Variants in TCERG1L observed in about 807,000 individuals in gnomAD.
The protein encoded by TCERG1L is transcription elongation regulator 1-like protein.
A neutral mutation model predicts 56.3 loss-of-function variants in TCERG1L; 37 were observed. That is an observed-to-expected ratio of 0.66 (90% CI 0.51 to 0.87). The LOEUF is 0.87. Ranked by LOEUF, TCERG1L falls within the 40% of genes least tolerant of loss-of-function variation. TCERG1L has a pLI of 0.00. For missense variants in TCERG1L, 799 were observed against 774.2 expected, an observed-to-expected ratio of 1.03 and a Z score of -0.38; for synonymous variants, 324 against 326.3, an observed-to-expected ratio of 0.99 and a Z score of 0.08.
intron 8 of TCERG1L, among the ~76,000 whole-genome samples, chr10:131,127,385 C>A (rs557393596): frequency 6.6e-6 from 1 of 152,344 alleles, no homozygotes; most frequent in East Asian, 1.9e-4. Flanking sequence ...GCAGCATTCC[C>A]AGGCCAGGAG....
chr10:131,109,352 G>A (rs545427638), intron 9 of TCERG1L, among the ~76,000 whole-genome samples: 1 of 152,250 alleles, frequency 6.6e-6, no homozygotes, highest in East Asian at 1.9e-4. Flanking sequence ...CCTGGTGCCC[G>A]TCTCAGCACG....
chr10:131,174,944 A>T (rs1476459602), intron 4 of TCERG1L, among the ~76,000 whole-genome samples: 3 of 92,466 alleles, frequency 3.2e-5, no homozygotes, highest in Admixed American at 1.0e-4. Flanking sequence ...TCAACCCTGC[A>T]GCCTGAACCC....
chr10:131,220,567 G>T (rs967039435), intron 4 of TCERG1L, among the ~76,000 whole-genome samples: 1 of 151,832 alleles, frequency 6.6e-6, no homozygotes, highest in Non-Finnish European at 1.5e-5. Context: ...TTCAGAGAGG[G>T]AGGGAGGAAG....
intron 4 of TCERG1L, among the ~76,000 whole-genome samples, chr10:131,197,037 T>C (rs10765051): frequency 0.38 from 57,770 of 151,864 alleles, 11,164 homozygotes; most frequent in East Asian, 0.49. Context: ...GGGGAGTCCA[T>C]GCCCCCCTCA....
intron 10 of TCERG1L, among the ~76,000 whole-genome samples, chr10:131,101,174 T>C (rs1325547227): frequency 2.0e-5 from 3 of 152,250 alleles, no homozygotes; most frequent in Non-Finnish European, 4.4e-5. Context: ...TCTCTGACGA[T>C]GGCCTGAGGA....
chr10:131,278,648 C>T (rs942495449), intron 3 of TCERG1L, among the ~76,000 whole-genome samples: 4 of 152,262 alleles, frequency 2.6e-5, no homozygotes, highest in South Asian at 2.1e-4. Flanking sequence ...CAGCCCACAT[C>T]GTCTTTTCAA....
At position 131,311,223 on chromosome 10, in the gene TCERG1L, G is replaced by C. The variant is rs1018004448; in HGVS notation, c.342+71C>G. On this transcript the variant is annotated intron_variant, in intron 1 of 11. Transcript: ENST00000368642. This position sits in a 1 kb window ranked among gnomAD's most constrained non-coding sequence, Gnocchi z 4.0. ...GGCGCGCGAGCCGGAGGCCAGAGCC[G>C]GGCCGGGCAGGGCGCGCCCAGGAGC... The C allele has an allele frequency of 1.7e-6, 2 of 1,150,518 alleles. No homozygotes were observed. The highest frequency in any genetic ancestry group is 1.6e-5 in the African/African-American group (1 of 61,802). The allele number at this position is 1,150,518 out of a possible 1,614,324, so 71.3% of individuals were successfully genotyped here.
intron 6 of TCERG1L, among the ~76,000 whole-genome samples, chr10:131,148,471 T>TAC (rs34738225): frequency 0.21 from 29,813 of 142,646 alleles, 3,267 homozygotes; most frequent in South Asian, 0.35. Context: ...CACAGACACA[T>TAC]ACACAGACAC....
At chr10:131,274,126 T>C (rs1846369499) in intron 3 of TCERG1L, among the ~76,000 whole-genome samples, 1 of 152,172 alleles carries the variant, frequency 6.6e-6, no homozygotes, top group Non-Finnish European at 1.5e-5. Context: ...TGCTCTGCTG[T>C]CTTGCACACA....
chr10:131,209,913 A>G (rs1407292849), intron 4 of TCERG1L, among the ~76,000 whole-genome samples: 2 of 152,230 alleles, frequency 1.3e-5, no homozygotes, highest in Non-Finnish European at 2.9e-5. Flanking sequence ...CACCCAAAAT[A>G]GCAAGGTTAC....
chr10:131,153,994 C>T (rs1845893568), intron 6 of TCERG1L, among the ~76,000 whole-genome samples: 1 of 152,132 alleles, frequency 6.6e-6, no homozygotes, highest in Non-Finnish European at 1.5e-5. Flanking sequence ...CCCATCCACT[C>T]GTTACGGTTG....
At chr10:131,223,421 G>C (rs2133500635) in intron 4 of TCERG1L, among the ~76,000 whole-genome samples, 1 of 152,336 alleles carries the variant, frequency 6.6e-6, no homozygotes, top group Non-Finnish European at 1.5e-5. Flanking sequence ...TTTTGCTCCA[G>C]AGAGAGCTAG....
At chr10:131,269,872 G>A (rs779266441) in intron 3 of TCERG1L, among the ~76,000 whole-genome samples, 1 of 152,098 alleles carries the variant, frequency 6.6e-6, no homozygotes, top group Non-Finnish European at 1.5e-5. Context: ...AGAAAGGGAC[G>A]CACAATAAAG....
At chr10:131,141,415 C>T (rs1025386886) in intron 7 of TCERG1L, among the ~76,000 whole-genome samples, 1 of 151,858 alleles carries the variant, frequency 6.6e-6, no homozygotes, top group African/African-American at 2.4e-5. Context: ...CTGGCTGCTG[C>T]GCGGGGTCAC....
rs186475819 is a variant in TCERG1L at position 131,198,333 on chromosome 10, G to A, written c.857-31448C>T. ...CCCAGACTGGCTTCTGGCTCTTCAC[G>A]CTTCAAACCAGGTCCCCTGGTGACC... On this transcript the variant is annotated intron_variant, in intron 4 of 11. Transcript: ENST00000368642. Among the ~76,000 whole-genome samples the A allele has an allele frequency of 1.7e-4, 26 of 152,334 alleles. No homozygotes were observed. The East Asian group carries it at 2.5e-3, about 15-fold the overall frequency.
At chr10:131,136,182 G>A (rs1036688448) in intron 7 of TCERG1L, among the ~76,000 whole-genome samples, 8 of 152,204 alleles carry the variant, frequency 5.3e-5, no homozygotes, top group African/African-American at 1.9e-4. Context: ...GAAGGGAAGA[G>A]AGGACACTGG....
chr10:131,281,514 C>T (rs1846452986), intron 3 of TCERG1L, among the ~76,000 whole-genome samples: 1 of 152,116 alleles, frequency 6.6e-6, no homozygotes, highest in Non-Finnish European at 1.5e-5. Flanking sequence ...TGTGCTGATG[C>T]AGGAAGGAAA....
intron 6 of TCERG1L, 108 bp downstream of exon 6, chr10:131,163,014 A>C (rs187676766): frequency 1.7e-4 from 141 of 832,776 alleles, no homozygotes; most frequent in Non-Finnish European, 2.5e-4. Flanking sequence ...ATTGTTTTTA[A>C]GACACAGGAT....
intron 4 of TCERG1L, among the ~76,000 whole-genome samples, chr10:131,174,631 T>A (rs1431568683): frequency 6.6e-6 from 1 of 152,174 alleles, no homozygotes; most frequent in Admixed American, 6.5e-5. Context: ...AAACAGCAAA[T>A]CATTTCTGAG....
Sources: allele counts gnomAD v4.1 joint callset (sites outside exome capture counted in the v4.1 genomes callset), GRCh38; gene constraint gnomAD v4.1.1; non-coding constraint Gnocchi (gnomAD v3.1); transcripts MANE v1.5; gene names NCBI Gene and HGNC (gene_info 2026-07-23, HGNC 2026-07-21).